BBS9: variants seen among roughly 807,000 people sequenced by gnomAD.
BBS9 encodes the protein Bardet-Biedl syndrome 9.
Under a neutral mutation model 117.7 loss-of-function variants are expected in BBS9, and 89 were observed. The ratio of observed to expected loss-of-function variants is 0.76; its 90% CI spans 0.64 to 0.90. The LOEUF (loss-of-function observed/expected upper bound fraction) is 0.90, where lower values mean the gene tolerates loss of function less well. Ranked by LOEUF, BBS9 falls within the 40% of genes least tolerant of loss-of-function variation. The pLI is 0.00. For missense variants in BBS9, 982 were observed against 1,042.2 expected (o/e 0.94, Z 0.80); for synonymous variants, 379 against 370.9 (o/e 1.02, Z -0.25).
At chr7:33,194,580 C>T (rs1784650222) in intron 5 of BBS9, among the ~76,000 whole-genome samples, 1 of 152,056 alleles carries the variant, frequency 6.6e-6, no homozygotes, top group Non-Finnish European at 1.5e-5. Context: ...ATAAAAATTC[C>T]TGTGGATTCA....
chr7:33,477,742 A>G (rs918161043), intron 19 of BBS9, among the ~76,000 whole-genome samples: 1 of 152,182 alleles, frequency 6.6e-6, no homozygotes, highest in Non-Finnish European at 1.5e-5. Flanking sequence ...CACCATAGAT[A>G]TATTATTGAC....
intron 19 of BBS9, among the ~76,000 whole-genome samples, chr7:33,454,106 G>T (rs2128922248): frequency 6.6e-6 from 1 of 152,260 alleles, no homozygotes; most frequent in East Asian, 1.9e-4. Flanking sequence ...GGGGGTGAGT[G>T]CTGCCTCTGG....
At chr7:33,529,289 A>G (rs184184388) in intron 20 of BBS9, among the ~76,000 whole-genome samples, 1 of 152,238 alleles carries the variant, frequency 6.6e-6, no homozygotes, top group African/African-American at 2.4e-5. Flanking sequence ...GGCATTGGAG[A>G]AGTCAGGTAG....
downstream of BBS9, among the ~76,000 whole-genome samples, chr7:33,607,893 T>A (rs1020574637): frequency 1.2e-4 from 18 of 151,992 alleles, no homozygotes; most frequent in South Asian, 2.1e-4. Flanking sequence ...TTTTTTTTTT[T>A]AGATAATTTC....
chr7:33,624,819 C>T (rs1207259785), intron 21 of BBS9, among the ~76,000 whole-genome samples: 1 of 152,122 alleles, frequency 6.6e-6, no homozygotes, highest in Non-Finnish European at 1.5e-5. Flanking sequence ...TAGAATAGTC[C>T]TGGGTGTAGG....
rs112780454 is a variant in BBS9, at chr7:33,360,588, A to G, written c.1693+2593A>G. Among the ~76,000 whole-genome samples, 293 of 148,920 alleles carry G rather than the reference A, an allele frequency of 2.0e-3. 5 individuals carry two copies. The South Asian group carries it at 0.031, about 16-fold the overall frequency. On this transcript the variant is annotated intron_variant, in intron 16 of 22. Coordinates refer to ENST00000242067, the MANE Select transcript of BBS9 (RefSeq NM_198428.3). ...GAGGTTGGAGTGCGGTGGCACAATC[A>G]TGGCTTACTGCAGCCTCTACTTCCT...
intron 5 of BBS9, among the ~76,000 whole-genome samples, chr7:33,203,621 G>C (rs893880986): frequency 2.6e-5 from 4 of 152,182 alleles, no homozygotes; most frequent in African/African-American, 9.7e-5. Flanking sequence ...GAGTTCAGCA[G>C]ACTATGGTAT....
chr7:33,418,611 C>T (rs1832376829), intron 19 of BBS9, among the ~76,000 whole-genome samples: 1 of 152,138 alleles, frequency 6.6e-6, no homozygotes, highest in Admixed American at 6.5e-5. Context: ...TTGCAGGCTC[C>T]CTAGGTCGCT....
At chr7:33,524,073 C>G (rs1480901870) in intron 20 of BBS9, among the ~76,000 whole-genome samples, 1 of 120,394 alleles carries the variant, frequency 8.3e-6, no homozygotes. Flanking sequence ...GTATATTGAA[C>G]CAGCCTTGCA....
Position 33,564,181 on chromosome 7 carries a change from A to G in BBS9, c.2521+30005A>G, listed in dbSNP as rs74751814. 5.5e-3 allele frequency among the ~76,000 whole-genome samples: 833 copies of G among 152,280 alleles called. 58 individuals are homozygous for G. The East Asian group carries it at 0.15, about 27-fold the overall frequency. On this transcript the variant is annotated intron_variant, in intron 21 of 22. Transcript: ENST00000242067. ...ATCTTATTTATTTTATCTTAGTTAC[A>G]TTATAGTGTAATTTATCTGCTATAG...
intron 21 of BBS9, among the ~76,000 whole-genome samples, chr7:33,614,913 G>A (rs1440599537): frequency 6.6e-6 from 1 of 152,040 alleles, no homozygotes; most frequent in Non-Finnish European, 1.5e-5. Context: ...ATTTTCCAGA[G>A]CATAAACTAC....
At chr7:33,198,294 G>T (rs941491868) in intron 5 of BBS9, among the ~76,000 whole-genome samples, 1 of 151,938 alleles carries the variant, frequency 6.6e-6, no homozygotes, top group Non-Finnish European at 1.5e-5. Flanking sequence ...GGAAAATTAA[G>T]ATTTCATATG....
At chr7:33,133,801 G>A (rs1790001329) in intron 1 of BBS9, among the ~76,000 whole-genome samples, 3 of 152,038 alleles carry the variant, frequency 2.0e-5, no homozygotes, top group Non-Finnish European at 4.4e-5. Flanking sequence ...TGTTTTCATT[G>A]CCCTTGGATA....
intron 16 of BBS9, among the ~76,000 whole-genome samples, chr7:33,366,079 G>A (rs1372224140): frequency 1.3e-5 from 2 of 152,148 alleles, no homozygotes; most frequent in African/African-American, 2.4e-5. Flanking sequence ...GCAAGGTTTG[G>A]AGAGGTGGTG....
chr7:33,310,259 C>T (rs1447008286), intron 9 of BBS9, among the ~76,000 whole-genome samples: 1 of 152,124 alleles, frequency 6.6e-6, no homozygotes, highest in Non-Finnish European at 1.5e-5. Context: ...TACATTTAAT[C>T]GTCATGTAGT....
intron 20 of BBS9, among the ~76,000 whole-genome samples, chr7:33,527,396 C>G (rs1233976621): frequency 6.6e-6 from 1 of 152,048 alleles, no homozygotes; most frequent in African/African-American, 2.4e-5. Flanking sequence ...TAGCAATCAG[C>G]GAGACTCCGT....
At chr7:33,222,778 G>A (rs554849384) in intron 5 of BBS9, among the ~76,000 whole-genome samples, 3 of 151,430 alleles carry the variant, frequency 2.0e-5, no homozygotes, top group African/African-American at 7.3e-5. Flanking sequence ...TTAAACCCCC[G>A]TGTCTACTAA....
intron 19 of BBS9, among the ~76,000 whole-genome samples, chr7:33,408,776 G>C (rs1830567959): frequency 6.6e-6 from 1 of 152,196 alleles, no homozygotes; most frequent in Non-Finnish European, 1.5e-5. Flanking sequence ...AGTTCTCTGA[G>C]AAATCTCCAT....
At chr7:33,360,478 TG>T (rs999120401) in intron 16 of BBS9, among the ~76,000 whole-genome samples, 3 of 151,526 alleles carry the variant, frequency 2.0e-5, no homozygotes, top group Admixed American at 2.0e-4. Context: ...AATAGCTATC[TG>T]GGGTGCTTCT....
Sources: allele counts gnomAD v4.1 joint callset (sites outside exome capture counted in the v4.1 genomes callset), GRCh38; gene constraint gnomAD v4.1.1; transcripts MANE v1.5; gene names NCBI Gene and HGNC (gene_info 2026-07-23, HGNC 2026-07-21).